The following SPTBN1 variants were observed in gnomAD, a reference collection of about 807,000 sequenced individuals.
The protein encoded by SPTBN1 is spectrin beta chain, non-erythrocytic 1.
Under a neutral mutation model 266.4 loss-of-function variants are expected in SPTBN1, and 32 were observed. The ratio of observed to expected loss-of-function variants is 0.12; its 90% CI spans 0.09 to 0.16. SPTBN1 has a LOEUF of 0.16. Among genes scored for constraint, SPTBN1 ranks in the 10% least tolerant of loss-of-function variants. The probability of loss-of-function intolerance (pLI) is 1.00; values close to 1 mark genes in which losing one functional copy is unlikely to be tolerated. For synonymous variants in SPTBN1, 1,336 were observed against 1,162.2 expected (o/e 1.15, Z -3.04); for missense variants, 2,296 against 3,067.1 (o/e 0.75, Z 5.94).
chr2:54,610,613 G>A (rs935540624), intron 3 of SPTBN1, among the ~76,000 whole-genome samples: 4 of 152,206 alleles, frequency 2.6e-5, no homozygotes, highest in Admixed American at 2.0e-4. Context: ...ACAAAAAAGT[G>A]CAAGGTCTTT....
intron 2 of SPTBN1, among the ~76,000 whole-genome samples, chr2:54,578,210 CGT>C (rs1237882987): frequency 2.0e-5 from 3 of 152,294 alleles, no homozygotes; most frequent in Admixed American, 2.0e-4. Context: ...ACTGCTGCAT[CGT>C]TGAGCATTTG....
At chr2:54,639,046 A>G (rs955465239) in intron 18 of SPTBN1, among the ~76,000 whole-genome samples, 1 of 152,216 alleles carries the variant, frequency 6.6e-6, no homozygotes, top group Non-Finnish European at 1.5e-5. Context: ...TAAGCACCAC[A>G]TTGATGAATC....
chr2:54,525,277 T>C (rs1670732869), intron 1 of SPTBN1, among the ~76,000 whole-genome samples: 1 of 152,244 alleles, frequency 6.6e-6, no homozygotes, highest in African/African-American at 2.4e-5. Context: ...GGAGTTTTGC[T>C]CCTGTTGCCC....
intron 3 of SPTBN1, among the ~76,000 whole-genome samples, chr2:54,609,136 C>G (rs937764705): frequency 1.3e-5 from 2 of 152,126 alleles, no homozygotes; most frequent in African/African-American, 2.4e-5. Context: ...CACAAGCAGT[C>G]TTGAATAATT....
intron 1 of SPTBN1, among the ~76,000 whole-genome samples, chr2:54,485,710 G>A (rs1388048765): frequency 1.3e-4 from 20 of 151,236 alleles, no homozygotes; most frequent in Middle Eastern, 3.4e-3. Context: ...AGTGAGGAGC[G>A]TCTCTGCCCG....
intron 2 of SPTBN1, among the ~76,000 whole-genome samples, chr2:54,541,168 C>T (rs375279827): frequency 1.8e-4 from 28 of 152,244 alleles, no homozygotes; most frequent in East Asian, 1.5e-3. Flanking sequence ...TTTTATATGC[C>T]GATTTTGGAG....
At chr2:54,630,573 T>G (rs184278020) in intron 15 of SPTBN1, among the ~76,000 whole-genome samples, 71 of 152,320 alleles carry the variant, frequency 4.7e-4, no homozygotes, top group Admixed American at 9.1e-4. Context: ...AGACATGAAT[T>G]AATTGACTCT....
chr2:54,461,215 T>G (rs759995181), intron 1 of SPTBN1, among the ~76,000 whole-genome samples: 1 of 152,244 alleles, frequency 6.6e-6, no homozygotes, highest in Non-Finnish European at 1.5e-5. Flanking sequence ...AATTATACTT[T>G]ATGTATTCTT....
In SPTBN1 at chr2:54,647,241, G is replaced by A; in HGVS notation, c.4977G>A (p.Val1659=). ...TCTCCAAGACCAGCCGGGCCCTGGT[G>A]GCCGACAGCCATCCTGAAAGGTGAG... ...HQLSKTSRAL[V]ADSHPESERI... is the part of the protein sequence containing the mutation. Residue 1659 remains valine, a synonymous_variant, in exon 24 of 36, where the codon GTG becomes GTA. Transcript: ENST00000356805. The A allele has an allele frequency of 1.2e-6, 2 of 1,613,998 alleles. No individual in the cohort carries two copies. Among genetic ancestry groups the A allele is most frequent in the African/African-American group, 2.7e-5 (2 of 75,060 alleles).
At chr2:54,575,410 G>A (rs866705125) in intron 2 of SPTBN1, among the ~76,000 whole-genome samples, 4 of 152,184 alleles carry the variant, frequency 2.6e-5, no homozygotes, top group Middle Eastern at 3.2e-3. Context: ...ATAACAGTCT[G>A]CTAATTTGCT....
chr2:54,532,207 T>A (rs1198205933), intron 2 of SPTBN1, among the ~76,000 whole-genome samples: 1 of 152,078 alleles, frequency 6.6e-6, no homozygotes, highest in Admixed American at 6.5e-5. Context: ...GAGAATCGGT[T>A]GAACCTGGGA....
chr2:54,483,469 T>C (rs2103951742), intron 1 of SPTBN1, among the ~76,000 whole-genome samples: 1 of 152,300 alleles, frequency 6.6e-6, no homozygotes, highest in East Asian at 1.9e-4. Context: ...TTTTTGGAGA[T>C]TGTTCCTCCT....
At chr2:54,606,648 G>T (rs1343667330) in intron 3 of SPTBN1, among the ~76,000 whole-genome samples, 1 of 152,216 alleles carries the variant, frequency 6.6e-6, no homozygotes. Flanking sequence ...TCACGTTTCA[G>T]CATGAGAAAT....
intron 1 of SPTBN1, among the ~76,000 whole-genome samples, chr2:54,486,959 T>G (rs1178242691): frequency 1.3e-5 from 2 of 152,052 alleles, no homozygotes; most frequent in Non-Finnish European, 2.9e-5. Context: ...TCTGAGTCAT[T>G]TACGTGAGAT....
Position 54,626,498 on chromosome 2 carries a change from A to G in SPTBN1, c.1644+264A>G, listed in dbSNP as rs2103902518. On this transcript the variant is annotated intron_variant, in intron 12 of 35. Transcript: ENST00000356805. This position sits in a 1 kb window ranked among gnomAD's most constrained non-coding sequence, Gnocchi z 4.7. ...AGATATATTCCAGTGTAGGGAATCA[A>G]TCACATTGTGGTTTTCTTTATTTTT... Among the ~76,000 whole-genome samples the G allele has an allele frequency of 6.6e-6, 1 of 151,652 alleles. No homozygotes were observed. The highest frequency in any genetic ancestry group is 1.9e-4 in the East Asian group (1 of 5,158).
At chr2:54,657,566 A>G (rs967706520) in intron 29 of SPTBN1, among the ~76,000 whole-genome samples, 1 of 152,246 alleles carries the variant, frequency 6.6e-6, no homozygotes, top group Non-Finnish European at 1.5e-5. Flanking sequence ...AGTTTTTTTC[A>G]TATTGATTAC....
chr2:54,476,764 T>C (rs952577728), intron 1 of SPTBN1, among the ~76,000 whole-genome samples: 14 of 152,246 alleles, frequency 9.2e-5, no homozygotes, highest in Admixed American at 2.6e-4. Flanking sequence ...TTTGTTTTTA[T>C]TGTTTGTTAA....
At chr2:54,546,522 CCT>C (rs771623584) in intron 2 of SPTBN1, 3 of 152,096 alleles carry the variant, frequency 2.0e-5, no homozygotes, top group Non-Finnish European at 4.4e-5. Flanking sequence ...ATTTATTTCC[CCT>C]GTGTTTTGAG....
rs770649665 is a variant in SPTBN1, at chr2:54,644,441, G to A, written c.4124G>A (p.Arg1375Gln). The A allele has an allele frequency of 3.3e-5, 54 of 1,614,072 alleles. No individual in the cohort carries two copies. The highest frequency in any genetic ancestry group is 6.6e-5 in the South Asian group (6 of 91,082). Residue 1375 changes from arginine to glutamine, a missense_variant, in exon 20 of 36, where the codon CGG (arginine) becomes CAG (glutamine). Transcript: ENST00000356805. ...TCCACTACCCAGACAAAGGCCCAGCGGCTCTTTGATGCAAACAAGGCCGAA... is the reference window on the plus strand; with the variant it reads ...TCCACTACCCAGACAAAGGCCCAGCAGCTCTTTGATGCAAACAAGGCCGAA... ...LESTTQTKAQ[R>Q]LFDANKAELF...
Sources: gnomAD v4.1 joint callset for allele counts (sites outside exome capture counted in the v4.1 genomes callset) on GRCh38, gnomAD v4.1.1 for gene constraint, Gnocchi (gnomAD v3.1) non-coding constraint, MANE v1.5 for transcripts, NCBI Gene and HGNC (gene_info 2026-07-23, HGNC 2026-07-21) for gene names.